Variants in ZNF300 observed in about 807,000 individuals in gnomAD.
ZNF300 encodes the protein zinc finger protein 300.
Under a neutral mutation model 13.9 loss-of-function variants are expected in ZNF300, and 6 were observed. The observed-to-expected ratio is 0.43, with a 90% CI of 0.24 to 0.85. The LOEUF (loss-of-function observed/expected upper bound fraction) is 0.85, where lower values mean the gene tolerates loss of function less well. ZNF300 is among the 40% of genes least tolerant of loss of function. The pLI is 0.25. For synonymous variants in ZNF300, 237 were observed against 242.2 expected (o/e 0.98, Z 0.20); for missense variants, 662 against 714.2 (o/e 0.93, Z 0.83).
chr5:150,895,700 TCTCTG>T lies in ZNF300; in HGVS notation c.1534_1538del (p.Gln512AsnfsTer12). ...TATAAGGTTTTTCTCCTGTGTGAAT[TCTCTG>T]ATGTCCAATGAGATGTGACTTCTGG... On this transcript the variant is annotated frameshift_variant, in exon 6 of 6. Transcript: ENST00000274599. LOFTEE classifies it low-confidence loss of function (END_TRUNC). The T allele has an allele frequency of 6.2e-7, 1 of 1,613,614 alleles. No individual in the cohort carries two copies. The highest frequency in any genetic ancestry group is 1.1e-5 in the South Asian group (1 of 91,066).
intron 3 of ZNF300, chr5:150,900,567 T>TACATCTC (rs1168740226): frequency 6.6e-6 from 1 of 152,154 alleles, no homozygotes; most frequent in Non-Finnish European, 1.5e-5. Context: ...TGTTGGTTTC[T>TACATCTC]ACATCTCTTT....
At position 150,896,552 on chromosome 5, in the gene ZNF300, A is replaced by G; in HGVS notation, c.687T>C (p.Ser229=). The G allele has an allele frequency of 6.2e-7, 1 of 1,613,770 alleles. No individual in the cohort carries two copies. Among genetic ancestry groups the G allele is most frequent in the Non-Finnish European group, 8.5e-7 (1 of 1,179,844 alleles). The stretch of plus-strand genomic sequence containing the variant: ...CTCCATTGTGAATCTTCTCAAGATT[A>G]GAATTGGGCTCACTCTGGCTAGATG... ...GKSSSQSEPN[S]NLEKIHNGVI... is the part of the protein sequence containing the mutation. The change falls in exon 6 of 6, where the codon TCT becomes TCC. Residue 229 remains serine (S), a synonymous_variant. Transcript: ENST00000274599.
At chr5:150,902,996 T>G (rs923933393) in intron 3 of ZNF300, 145 bp downstream of exon 3, 1 of 828,384 alleles carries the variant, frequency 1.2e-6, no homozygotes, top group East Asian at 2.5e-5. Flanking sequence ...CCAGGTTTTT[T>G]ACATATTACC....
chr5:150,899,195 G>A (rs1010969550), intron 3 of ZNF300, among the ~76,000 whole-genome samples: 30 of 152,026 alleles, frequency 2.0e-4, no homozygotes, highest in African/African-American at 7.2e-4. Context: ...AGAACTATGA[G>A]ACTAAATTTC....
chr5:150,900,732 T>G (rs895368722), intron 3 of ZNF300: 1 of 152,116 alleles, frequency 6.6e-6, no homozygotes, highest in African/African-American at 2.4e-5. Flanking sequence ...TTATGTTTAG[T>G]TAAACACTGT....
At position 150,895,602 on chromosome 5, in the gene ZNF300, T is replaced by C; in HGVS notation, c.1637A>G (p.Glu546Gly). Residue 546 changes from glutamate (E) to glycine (G), a missense_variant, in exon 6 of 6, where the codon GAG becomes GGG. Glu to Gly is a moderately conservative substitution (Grantham distance 98). Coordinates refer to ENST00000274599, the MANE Select transcript of ZNF300 (RefSeq NM_052860.4). ...ACATTCAGCACATATGTAAGGTTTCTCTCCTGTATGAATTCGCTGGTGTCC... is the reference window on the plus strand; with the variant it reads ...ACATTCAGCACATATGTAAGGTTTCCCTCCTGTATGAATTCGCTGGTGTCC... ...LPGHQRIHTG[E>G]KPYICAECGK... 2 of 1,613,498 alleles carry C rather than the reference T, an allele frequency of 1.2e-6. No individual in the cohort carries two copies. Among genetic ancestry groups the C allele is most frequent in the South Asian group, 2.2e-5 (2 of 91,058 alleles).
chr5:150,895,492 C>T lies in ZNF300; in HGVS notation c.1747G>A (p.Gly583Arg), dbSNP rs1197457431. The change falls in exon 6 of 6, where the codon GGG becomes AGG. Residue 583 changes from glycine (G) to arginine (R), a missense_variant. Gly to Arg is a moderately radical substitution (Grantham distance 125). Transcript: ENST00000274599. ...TGTGACTTCTGGATGAAGGCCTTCC[C>T]ACATATAGCACATTGATAGGGTCTT... ...GERPYQCAIC[G>R]KAFIQKSQLT... 1 of 1,613,278 alleles carries T rather than the reference C, an allele frequency of 6.2e-7. No individual in the cohort carries two copies. Among genetic ancestry groups the T allele is most frequent in the South Asian group, 1.1e-5 (1 of 91,010 alleles).
At chr5:150,901,723 A>G (rs533491105) in intron 3 of ZNF300, among the ~76,000 whole-genome samples, 12 of 152,190 alleles carry the variant, frequency 7.9e-5, no homozygotes, top group South Asian at 4.1e-4. Context: ...TTTTTACTCA[A>G]TTCTCACAAC....
rs1387363158 is a variant in ZNF300 at position 150,895,238 on chromosome 5, GTTC to G, written c.*183_*185del. On this transcript the variant is annotated 3_prime_UTR_variant, in exon 6 of 6. Transcript: ENST00000274599. The stretch of plus-strand genomic sequence containing the variant: ...AAGCTTTACATGCCATATTAAAAAT[GTTC>G]TTCATTTATATAACTATTTTCCATC... 1 of 503,838 alleles carries G rather than the reference GTTC, an allele frequency of 2.0e-6. No homozygotes were observed. The highest frequency in any genetic ancestry group is 1.9e-5 in the African/African-American group (1 of 51,660). 31.2% of individuals were successfully genotyped at this position (503,838 alleles called of 1,614,324 possible).
chr5:150,903,494 T>A (rs1200957270), intron 2 of ZNF300: 2 of 822,138 alleles, frequency 2.4e-6, no homozygotes, highest in East Asian at 5.3e-5. Flanking sequence ...GAATCAGCAA[T>A]TCTATTTATA....
intron 3 of ZNF300, among the ~76,000 whole-genome samples, chr5:150,899,682 CA>C (rs1754925928): frequency 1.3e-5 from 2 of 151,928 alleles, no homozygotes; most frequent in African/African-American, 4.8e-5. Flanking sequence ...GACATAACAT[CA>C]AAAATGAATT....
chr5:150,904,674 C>G (rs1755085863), intron 1 of ZNF300, 30 bp downstream of exon 1: 1 of 152,908 alleles, frequency 6.5e-6, no homozygotes, highest in African/African-American at 2.4e-5. Context: ...ACGGGCTCCT[C>G]TCCTCCCATT....
chr5:150,896,594 ACT>A lies in ZNF300; in HGVS notation c.643_644del (p.Ser215PhefsTer8). The A allele has an allele frequency of 1.2e-6, 2 of 1,613,374 alleles. No individual in the cohort carries two copies. The highest frequency in any genetic ancestry group is 1.7e-6 in the Non-Finnish European group (2 of 1,179,738). Reference sequence around the variant, plus strand: ...GGCTAGATGATTTTCCACCTCCAAAACTCTGATCAGGTTTTTTTCTTGAATTG... The same window carrying A: ...GGCTAGATGATTTTCCACCTCCAAAACTGATCAGGTTTTTTTCTTGAATTG... ...KSNSRKKPDQ[S>X]FGGGKSSSQS... On this transcript the variant is annotated frameshift_variant, in exon 6 of 6. Transcript: ENST00000274599. LOFTEE classifies it low-confidence loss of function (END_TRUNC).
intron 4 of ZNF300, 96 bp from the exon 5 acceptor site, chr5:150,898,280 A>G: frequency 6.3e-7 from 1 of 1,590,988 alleles, no homozygotes; most frequent in Non-Finnish European, 8.6e-7. Flanking sequence ...CTGTCCAGTT[A>G]GCCCTCAACA....
At position 150,896,509 on chromosome 5, in the gene ZNF300, T is replaced by C. The variant is rs1005446048; in HGVS notation, c.730A>G (p.Asn244Asp). The C allele has an allele frequency of 1.2e-6, 2 of 1,613,508 alleles. No homozygotes were observed. The highest frequency in any genetic ancestry group is 2.7e-5 in the African/African-American group (2 of 74,912). Residue 244 changes from asparagine (N) to aspartate (D), a missense_variant, in exon 6 of 6, where the codon AAT becomes GAT. Asn to Asp is a conservative substitution (Grantham distance 23). Coordinates refer to ENST00000274599, the MANE Select transcript of ZNF300 (RefSeq NM_052860.4). ...TTTCTAAAAACGTTTCCACACTGAT[T>C]ATCATCAAAAGGTATTACTCCATTG... ...IHNGVIPFDD[N>D]QCGNVFRNTQ... is the part of the protein sequence containing the mutation.
In ZNF300 at chr5:150,896,976, A is replaced by C; in HGVS notation, c.266-3T>G. 6.3e-7 allele frequency: 1 copy of C among 1,595,278 alleles called. No homozygotes were observed. The highest frequency in any genetic ancestry group is 8.5e-7 in the Non-Finnish European group (1 of 1,171,554). ...GTTGTGAAGGTTACTCTTCCTGTCT[A>C]AAAGAAGAAAAGATACAATTTAAGA... On this transcript the variant is annotated splice_polypyrimidine_tract_variant and splice_region_variant and intron_variant, in intron 5 of 5. Coordinates refer to ENST00000274599, the MANE Select transcript of ZNF300 (RefSeq NM_052860.4).
In ZNF300 at chr5:150,896,212, G is replaced by A; in HGVS notation, c.1027C>T (p.His343Tyr). ...TTTTCCCCAGTGTGAACTCTCTGAT[G>A]TATAATAAGGGACGATTTCTGAGAG... ...AFSQKSSLII[H>Y]QRVHTGEKPY... The change falls in exon 6 of 6, where the codon CAT becomes TAT. Residue 343 changes from histidine to tyrosine, a missense_variant. His to Tyr is a moderately conservative substitution (Grantham distance 83). Transcript: ENST00000274599. 1 of 1,613,634 alleles carries A rather than the reference G, an allele frequency of 6.2e-7. No homozygotes were observed. Among genetic ancestry groups the A allele is most frequent in the Non-Finnish European group, 8.5e-7 (1 of 1,179,784 alleles).
intron 1 of ZNF300, among the ~76,000 whole-genome samples, chr5:150,904,376 C>T (rs1307802712): frequency 6.6e-6 from 1 of 151,988 alleles, no homozygotes; most frequent in African/African-American, 2.4e-5. Flanking sequence ...GCCTAGTAAT[C>T]ATATACCCTA....
intron 5 of ZNF300, 47 bp from the exon 6 acceptor site, chr5:150,897,020 T>A: frequency 6.9e-7 from 1 of 1,452,678 alleles, no homozygotes; most frequent in Non-Finnish European, 9.3e-7. Context: ...AAGAGTCAAT[T>A]AAGAGGGTAA....
Sources: gnomAD v4.1 joint callset for allele counts (sites outside exome capture counted in the v4.1 genomes callset) on GRCh38, gnomAD v4.1.1 for gene constraint, MANE v1.5 for transcripts, NCBI Gene and HGNC (gene_info 2026-07-23, HGNC 2026-07-21) for gene names.